The following LRRC7 variants were observed in gnomAD, a reference collection of about 807,000 sequenced individuals.
LRRC7 encodes leucine rich repeat containing 7, also known as leucine-rich repeat-containing protein 7.
In LRRC7, 23 loss-of-function variants were observed where a neutral mutation model predicts 175.7. The ratio of observed to expected loss-of-function variants is 0.13; its 90% confidence interval spans 0.09 to 0.19. The LOEUF (loss-of-function observed/expected upper bound fraction) is 0.19. Ranked by LOEUF, LRRC7 falls within the 10% of genes least tolerant of loss-of-function variation. The pLI, the probability that LRRC7 is intolerant of heterozygous loss-of-function variation, is 1.00. For synonymous variants in LRRC7, 685 were observed against 680.9 expected (o/e 1.01, Z -0.09); for missense variants, 1,354 against 1,904.7 (o/e 0.71, Z 5.38).
intron 10 of LRRC7, among the ~76,000 whole-genome samples, chr1:69,987,808 G>C (rs1654075770): frequency 6.6e-6 from 1 of 152,088 alleles, no homozygotes; most frequent in Admixed American, 6.5e-5. Context: ...TTTCTTCCTA[G>C]AATTGTTGAC....
intron 8 of LRRC7, among the ~76,000 whole-genome samples, chr1:69,966,273 G>A (rs929491899): frequency 5.3e-5 from 8 of 152,092 alleles, no homozygotes; most frequent in African/African-American, 1.7e-4. Context: ...TTTTAAAACA[G>A]GTTTCATTCT....
rs1666928445 is a variant in LRRC7 at position 70,137,791 on chromosome 1, G to C, written c.*15904G>C. On this transcript the variant is annotated 3_prime_UTR_variant, in exon 27 of 27. Transcript: ENST00000651989. Reference sequence around the variant, plus strand: ...GAGTTCTCCAATGTTGACAATTTCAGCTGCCCTAGCAGCCTCTCTAAGCAC... The same window carrying C: ...GAGTTCTCCAATGTTGACAATTTCACCTGCCCTAGCAGCCTCTCTAAGCAC... Among the ~76,000 whole-genome samples, 1 of 152,226 alleles carries C rather than the reference G, an allele frequency of 6.6e-6. No homozygotes were observed. The highest frequency in any genetic ancestry group is 2.4e-5 in the African/African-American group (1 of 41,442).
At chr1:69,953,114 G>A (rs1463009760) in intron 8 of LRRC7, among the ~76,000 whole-genome samples, 1 of 151,780 alleles carries the variant, frequency 6.6e-6, no homozygotes, top group African/African-American at 2.4e-5. Flanking sequence ...TACCTTTCTG[G>A]AGTGTTTCCT....
intron 3 of LRRC7, among the ~76,000 whole-genome samples, chr1:69,765,195 C>T (rs968714231): frequency 2.0e-5 from 3 of 152,020 alleles, no homozygotes; most frequent in African/African-American, 7.2e-5. Context: ...ATTTAGTCCC[C>T]AATTTTTACT....
At chr1:69,847,412 C>G (rs1682491151) in intron 7 of LRRC7, among the ~76,000 whole-genome samples, 1 of 152,070 alleles carries the variant, frequency 6.6e-6, no homozygotes, top group African/African-American at 2.4e-5. Flanking sequence ...ACATTTATTT[C>G]TAACCTGAAC....
chr1:70,133,520 C>T lies in LRRC7; in HGVS notation c.*11633C>T, dbSNP rs1170339422. Reference sequence around the variant, plus strand: ...GCCTTACACAGTCTGTTTTTATGCCCCTTGTGCTGATACAATTGCTAACAA... The same window carrying T: ...GCCTTACACAGTCTGTTTTTATGCCTCTTGTGCTGATACAATTGCTAACAA... On this transcript the variant is annotated 3_prime_UTR_variant, in exon 27 of 27. Coordinates refer to ENST00000651989, the MANE Select transcript of LRRC7 (RefSeq NM_001370785.2). Among the ~76,000 whole-genome samples the T allele has an allele frequency of 1.3e-5, 2 of 152,144 alleles. No individual in the cohort carries two copies. Among genetic ancestry groups the T allele is most frequent in the East Asian group, 3.8e-4 (2 of 5,196 alleles).
Position 70,039,805 on chromosome 1 carries a change from G to GT in LRRC7, c.3969+15dup, listed in dbSNP as rs1267098829. The stretch of plus-strand genomic sequence containing the variant: ...GACGGTTAGACAGGGTATGTCTGGT[G>GT]TTTCTCTGTAAGAATATCCCTCCTG... On this transcript the variant is annotated intron_variant, in intron 21 of 26. Transcript: ENST00000651989. The GT allele has an allele frequency of 5.1e-6, 8 of 1,555,116 alleles. No homozygotes were observed. In the Middle Eastern group the frequency reaches 5.2e-4, roughly 102 times the overall value.
At chr1:69,810,715 G>A (rs1353784330) in intron 4 of LRRC7, among the ~76,000 whole-genome samples, 1 of 152,184 alleles carries the variant, frequency 6.6e-6, no homozygotes, top group East Asian at 1.9e-4. Flanking sequence ...AAACTGGCTA[G>A]CCATATGCAG....
chr1:69,972,918 AT>A (rs991207036), intron 8 of LRRC7, among the ~76,000 whole-genome samples: 6 of 147,102 alleles, frequency 4.1e-5, no homozygotes, highest in East Asian at 1.9e-4. Flanking sequence ...ATAACTATAT[AT>A]TTTTTAATAT....
At chr1:69,881,763 T>C (rs12024918) in intron 7 of LRRC7, among the ~76,000 whole-genome samples, 83,548 of 150,438 alleles carry the variant, frequency 0.56, 23,293 homozygotes, top group East Asian at 0.7. Flanking sequence ...GCTTGTGGTC[T>C]CAGCTACTTG....
chr1:69,732,390 A>G (rs933307273), intron 2 of LRRC7, among the ~76,000 whole-genome samples: 18 of 152,098 alleles, frequency 1.2e-4, no homozygotes, highest in Non-Finnish European at 2.5e-4. Flanking sequence ...TGTTATGACT[A>G]AAATATGCAG....
At chr1:69,755,595 A>G (rs1368106936) in intron 2 of LRRC7, among the ~76,000 whole-genome samples, 1 of 151,740 alleles carries the variant, frequency 6.6e-6, no homozygotes, top group Non-Finnish European at 1.5e-5. Context: ...TGCAAAGCAC[A>G]TTATTAGCAA....
intron 11 of LRRC7, among the ~76,000 whole-genome samples, chr1:70,005,355 T>C (rs940580192): frequency 6.6e-6 from 1 of 152,216 alleles, no homozygotes; most frequent in African/African-American, 2.4e-5. Flanking sequence ...TCTACATTGA[T>C]CATAGATTAA....
intron 23 of LRRC7, among the ~76,000 whole-genome samples, chr1:70,067,492 T>C (rs1662064609): frequency 1.3e-5 from 2 of 152,114 alleles, no homozygotes; most frequent in Admixed American, 1.3e-4. Context: ...TATGTGTCTA[T>C]CCCTCTGCAA....
At position 70,138,535 on chromosome 1, in the gene LRRC7, A is replaced by G. The variant is rs1571409672; in HGVS notation, c.*16648A>G. On this transcript the variant is annotated 3_prime_UTR_variant, in exon 27 of 27. Transcript: ENST00000651989. ...AAGGAAAACTACAGAAGTTATGTCTATTAACTCTTTAAGGTACATGATATA... is the reference window on the plus strand; with the variant it reads ...AAGGAAAACTACAGAAGTTATGTCTGTTAACTCTTTAAGGTACATGATATA... 1 of 152,364 alleles carries G rather than the reference A, an allele frequency of 6.6e-6. No homozygotes were observed. 9.4% of individuals were successfully genotyped at this position (152,364 alleles called of 1,614,324 possible). A position where few individuals can be genotyped will look rare whatever the true frequency, so the allele number is the denominator to read the frequency against.
intron 8 of LRRC7, among the ~76,000 whole-genome samples, chr1:69,955,651 T>C (rs1650416016): frequency 6.6e-6 from 1 of 152,048 alleles, no homozygotes. Flanking sequence ...AAAATTGGTA[T>C]GTTTGCAACA....
rs79062762 is a variant in LRRC7 at position 69,750,693 on chromosome 1, T to C, written c.101-9498T>C. On this transcript the variant is annotated intron_variant, in intron 2 of 26. Transcript: ENST00000651989. ...GGCCCAGTCTCCCCTTCCAAGATGA[T>C]GTCTTATTGCTGCATCCACTGAATG... is the stretch of plus-strand genomic sequence containing the variant. 9.3e-3 allele frequency among the ~76,000 whole-genome samples: 1,417 copies of C among 152,272 alleles called. 24 individuals are homozygous for C. Among genetic ancestry groups the C allele is most frequent in the African/African-American group, 0.033 (1,377 of 41,562 alleles).
At chr1:69,678,253 C>T in intron 1 of LRRC7, 128 bp from the exon 2 acceptor site, 1 of 649,648 alleles carries the variant, frequency 1.5e-6, no homozygotes, top group Non-Finnish European at 2.7e-6. Flanking sequence ...CAGCTTGCTC[C>T]TTGCCGGATC....
At chr1:69,768,055 G>A (rs982790124) in intron 3 of LRRC7, among the ~76,000 whole-genome samples, 2 of 152,088 alleles carry the variant, frequency 1.3e-5, no homozygotes, top group Non-Finnish European at 2.9e-5. Flanking sequence ...CTGAAACACC[G>A]ATCATTCAAT....
Sources: allele counts gnomAD v4.1 joint callset (sites outside exome capture counted in the v4.1 genomes callset), GRCh38; gene constraint gnomAD v4.1.1; transcripts MANE v1.5; gene names NCBI Gene and HGNC (gene_info 2026-07-23, HGNC 2026-07-21).